FMN1: variants seen among roughly 807,000 people sequenced by gnomAD.
The protein encoded by FMN1 is formin 1, also known as formin-1.
In FMN1, 110 loss-of-function variants were observed where a neutral mutation model predicts 132.4. That is an observed-to-expected ratio of 0.83 (90% CI 0.71 to 0.97). The LOEUF (loss-of-function observed/expected upper bound fraction) is 0.97. Ranked by LOEUF, FMN1 falls within the 50% of genes least tolerant of loss-of-function variation. FMN1 has a pLI of 0.00. For missense variants in FMN1, 1,792 were observed against 1,705.3 expected (o/e 1.05, Z -0.90); for synonymous variants, 722 against 651.7 (o/e 1.11, Z -1.64).
At chr15:33,061,516 G>A (rs1775461777) in intron 6 of FMN1, among the ~76,000 whole-genome samples, 1 of 151,752 alleles carries the variant, frequency 6.6e-6, no homozygotes, top group Non-Finnish European at 1.5e-5. Flanking sequence ...TATAAGACAC[G>A]CTCCTCGTGA....
Position 32,898,853 on chromosome 15 carries a change from TA to T in FMN1, c.3694del (p.Tyr1232ThrfsTer36). Reference sequence around the variant, plus strand: ...TCTTACCTGATCATAGTAACGCAGGTAATACTTAACAACGTAGTCCACCAGA... The same window carrying T: ...TCTTACCTGATCATAGTAACGCAGGTATACTTAACAACGTAGTCCACCAGA... The part of the protein sequence containing the change: ...INLVDYVVKY[Y>X]LRYYDQEAGT... On this transcript the variant is annotated frameshift_variant, in exon 15 of 21. Coordinates refer to ENST00000616417, the MANE Select transcript of FMN1 (RefSeq NM_001277313.2). LOFTEE classifies it high-confidence loss of function. 1 of 1,602,114 alleles carries T rather than the reference TA, an allele frequency of 6.2e-7. No homozygotes were observed. Among genetic ancestry groups the T allele is most frequent in the Non-Finnish European group, 8.5e-7 (1 of 1,170,200 alleles).
At chr15:33,128,257 G>A (rs776636740) in intron 4 of FMN1, among the ~76,000 whole-genome samples, 6 of 144,418 alleles carry the variant, frequency 4.2e-5, no homozygotes, top group Non-Finnish European at 8.8e-5. Flanking sequence ...CACCCTCAGA[G>A]AGCAATAATT....
rs577135545 is a variant in FMN1, at chr15:32,886,190, T to C, written c.3835+1982A>G. ...TTAAATATTTACTGGGTACCTTTCATGTGTTGAAAACACTGGCATCTCTAA... is the reference window on the plus strand; with the variant it reads ...TTAAATATTTACTGGGTACCTTTCACGTGTTGAAAACACTGGCATCTCTAA... On this transcript the variant is annotated intron_variant, in intron 16 of 20. Transcript: ENST00000616417. Among the ~76,000 whole-genome samples, 6 of 152,372 alleles carry C rather than the reference T, an allele frequency of 3.9e-5. No homozygotes were observed. The East Asian group carries it at 5.8e-4, about 15-fold the overall frequency.
At chr15:32,965,581 A>G (rs2031137000) in intron 8 of FMN1, among the ~76,000 whole-genome samples, 1 of 152,160 alleles carries the variant, frequency 6.6e-6, no homozygotes, top group Admixed American at 6.5e-5. Context: ...TGGTCCACAG[A>G]ATTTTGTAAT....
At chr15:33,127,049 ATAT>A (rs1963151810) in intron 4 of FMN1, among the ~76,000 whole-genome samples, 1 of 151,790 alleles carries the variant, frequency 6.6e-6, no homozygotes, top group Non-Finnish European at 1.5e-5. Flanking sequence ...GCAAAAAGAC[ATAT>A]TAAGCTTTCT....
At chr15:32,894,589 T>C (rs1482903921) in intron 15 of FMN1, among the ~76,000 whole-genome samples, 1 of 152,030 alleles carries the variant, frequency 6.6e-6, no homozygotes. Flanking sequence ...CAGAATAAGA[T>C]GCATCTTGAG....
intron 17 of FMN1, among the ~76,000 whole-genome samples, chr15:32,827,839 G>A (rs1211542721): frequency 6.7e-6 from 1 of 148,906 alleles, no homozygotes; most frequent in African/African-American, 2.5e-5. Context: ...GCAAGACTCC[G>A]TCTCAAGAAA....
At chr15:32,927,925 G>C (rs2061003071) in intron 9 of FMN1, among the ~76,000 whole-genome samples, 1 of 152,186 alleles carries the variant, frequency 6.6e-6, no homozygotes, top group African/African-American at 2.4e-5. Context: ...GTGAAGACAA[G>C]ACTAAACAGT....
At chr15:32,855,491 C>A (rs1185668301) in intron 17 of FMN1, among the ~76,000 whole-genome samples, 2 of 152,156 alleles carry the variant, frequency 1.3e-5, no homozygotes, top group Non-Finnish European at 2.9e-5. Context: ...AATTGCTTTT[C>A]CAAGGTACCA....
chr15:32,831,418 GT>G (rs1434132771), intron 17 of FMN1, among the ~76,000 whole-genome samples: 1 of 152,084 alleles, frequency 6.6e-6, no homozygotes, highest in Non-Finnish European at 1.5e-5. Flanking sequence ...AGCTTGGGAA[GT>G]TTTTATAAAA....
In FMN1 at chr15:33,155,016, G is replaced by C; in HGVS notation, c.-102C>G. 1.1e-6 allele frequency: 1 copy of C among 911,204 alleles called. No homozygotes were observed. The highest frequency in any genetic ancestry group is 1.7e-5 in the African/African-American group (1 of 59,722). 56.4% of individuals were successfully genotyped at this position (911,204 alleles called of 1,614,324 possible). A position where few individuals can be genotyped will look rare whatever the true frequency, so the allele number is the denominator to read the frequency against. Reference sequence around the variant, plus strand: ...TGATGGTGGCTATGCAGAGAAAGCAGCTGACAGTCATCTCCAGCAATGAGA... The same window carrying C: ...TGATGGTGGCTATGCAGAGAAAGCACCTGACAGTCATCTCCAGCAATGAGA... On this transcript the variant is annotated 5_prime_UTR_variant, in exon 4 of 21. Transcript: ENST00000616417.
chr15:33,024,184 A>G (rs1358189385), intron 6 of FMN1, among the ~76,000 whole-genome samples: 2 of 150,796 alleles, frequency 1.3e-5, no homozygotes, highest in Non-Finnish European at 2.9e-5. Flanking sequence ...AGGACAGCGC[A>G]AATTAAAACT....
chr15:33,191,505 C>T (rs546266495), intron 2 of FMN1, among the ~76,000 whole-genome samples: 1 of 152,332 alleles, frequency 6.6e-6, no homozygotes, highest in African/African-American at 2.4e-5. Context: ...TTCTCTCTCC[C>T]TCATCCTCAA....
chr15:33,058,974 C>A (rs2037360534), intron 6 of FMN1, among the ~76,000 whole-genome samples: 1 of 152,196 alleles, frequency 6.6e-6, no homozygotes, highest in Non-Finnish European at 1.5e-5. Flanking sequence ...TGCTGTGCAA[C>A]AGATCACAAA....
chr15:33,066,330 C>T (rs1185858632), intron 5 of FMN1, among the ~76,000 whole-genome samples: 3 of 152,138 alleles, frequency 2.0e-5, no homozygotes, highest in East Asian at 1.9e-4. Flanking sequence ...AAAATCAGGA[C>T]GCATGAAAAG....
intron 17 of FMN1, among the ~76,000 whole-genome samples, chr15:32,854,309 C>T (rs2059075328): frequency 6.6e-6 from 1 of 152,092 alleles, no homozygotes; most frequent in South Asian, 2.1e-4. Context: ...CTTGCCACAT[C>T]GAACAGCACA....
At chr15:33,126,174 T>A (rs567904081) in intron 4 of FMN1, among the ~76,000 whole-genome samples, 2 of 152,194 alleles carry the variant, frequency 1.3e-5, no homozygotes, top group South Asian at 2.1e-4. Flanking sequence ...GGAGCATACA[T>A]CCTCATTAGA....
intron 4 of FMN1, among the ~76,000 whole-genome samples, chr15:33,124,338 G>GT (rs1480094436): frequency 3.3e-5 from 5 of 152,218 alleles, no homozygotes; most frequent in African/African-American, 1.2e-4. Context: ...TTGCTGTGCT[G>GT]TTATAGCCTC....
chr15:33,117,638 TG>T lies in FMN1; in HGVS notation c.1868-28665del, dbSNP rs200581433. On this transcript the variant is annotated intron_variant, in intron 4 of 20. Transcript: ENST00000616417. ...TACGTGGAATGAGATATTTAACAAA[TG>T]TTTTGCAGTGATTCCAATAAATAAA... Among the ~76,000 whole-genome samples the T allele has an allele frequency of 6.9e-3, 1,048 of 152,334 alleles. 11 individuals are homozygous for T. Among genetic ancestry groups the T allele is most frequent in the African/African-American group, 0.024 (986 of 41,584 alleles).
Sources: allele counts gnomAD v4.1 joint callset (sites outside exome capture counted in the v4.1 genomes callset), GRCh38; gene constraint gnomAD v4.1.1; transcripts MANE v1.5; gene names NCBI Gene and HGNC (gene_info 2026-07-23, HGNC 2026-07-21).